Variants in ADGRB3 observed in about 807,000 individuals in gnomAD.
The protein encoded by ADGRB3 is brain-specific angiogenesis inhibitor 3.
A neutral mutation model predicts 193.4 loss-of-function variants in ADGRB3; 37 were observed. The observed-to-expected ratio is 0.19, with a 90% CI of 0.15 to 0.25. ADGRB3 has a LOEUF of 0.25. Ranked by LOEUF, ADGRB3 falls within the 10% of genes least tolerant of loss-of-function variation. The pLI, the probability that ADGRB3 is intolerant of heterozygous loss-of-function variation, is 1.00. For missense variants in ADGRB3, 1,637 were observed against 1,852.9 expected (o/e 0.88, Z 2.14); for synonymous variants, 690 against 644.2 (o/e 1.07, Z -1.08).
At chr6:69,333,047 G>C in intron 24 of ADGRB3, 39 bp downstream of exon 24, 1 of 1,593,004 alleles carries the variant, frequency 6.3e-7, no homozygotes, top group Non-Finnish European at 8.6e-7. Flanking sequence ...TTATTTATCA[G>C]TGAATCCCAT....
chr6:68,774,807 A>T (rs1230950468), intron 3 of ADGRB3, among the ~76,000 whole-genome samples: 1 of 152,144 alleles, frequency 6.6e-6, no homozygotes, highest in African/African-American at 2.4e-5. Flanking sequence ...AGTTTAAAAC[A>T]GTAAGATTCT....
At chr6:68,778,007 A>G (rs1040507830) in intron 3 of ADGRB3, among the ~76,000 whole-genome samples, 1 of 152,112 alleles carries the variant, frequency 6.6e-6, no homozygotes, top group Non-Finnish European at 1.5e-5. Flanking sequence ...TGTAGCATTA[A>G]GTTTCAGTAT....
At chr6:68,667,596 A>T (rs142739822) in intron 3 of ADGRB3, among the ~76,000 whole-genome samples, 1 of 152,016 alleles carries the variant, frequency 6.6e-6, no homozygotes, top group African/African-American at 2.4e-5. Context: ...ACAAAATTTC[A>T]TAACTAACTT....
intron 3 of ADGRB3, among the ~76,000 whole-genome samples, chr6:68,922,408 A>G (rs1051974291): frequency 6.6e-6 from 1 of 152,208 alleles, no homozygotes. Flanking sequence ...CCTTGATTTA[A>G]TGCTTAGATG....
chr6:68,722,605 CTTTTTT>C (rs200217245), intron 3 of ADGRB3, among the ~76,000 whole-genome samples: 2 of 143,274 alleles, frequency 1.4e-5, no homozygotes, highest in East Asian at 2.0e-4. Flanking sequence ...ATTTCTTTTT[CTTTTTT>C]TTTTTTAACT....
intron 3 of ADGRB3, among the ~76,000 whole-genome samples, chr6:68,750,824 G>T (rs1266094256): frequency 1.3e-5 from 2 of 152,208 alleles, no homozygotes; most frequent in Non-Finnish European, 2.9e-5. Flanking sequence ...ACAGACTTCA[G>T]TTATTAGCCT....
In ADGRB3 at chr6:69,059,768, C is replaced by G. The variant is rs1043794367; in HGVS notation, c.2334-3166C>G. Among the ~76,000 whole-genome samples, 4 of 151,998 alleles carry G rather than the reference C, an allele frequency of 2.6e-5. No individual in the cohort carries two copies. The East Asian group carries it at 5.8e-4, about 22-fold the overall frequency. ...CACTATACACTTTTTGAAAAGGAAGCCATTGCATAATGTAAATTTGCTTAT... is the reference window on the plus strand; with the variant it reads ...CACTATACACTTTTTGAAAAGGAAGGCATTGCATAATGTAAATTTGCTTAT... On this transcript the variant is annotated intron_variant, in intron 15 of 31. Transcript: ENST00000370598.
chr6:68,776,996 A>T (rs921133058), intron 3 of ADGRB3, among the ~76,000 whole-genome samples: 1 of 152,150 alleles, frequency 6.6e-6, no homozygotes, highest in African/African-American at 2.4e-5. Context: ...TTATACTATG[A>T]CCCATTTAGC....
chr6:69,361,906 C>T (rs927101749), intron 29 of ADGRB3, among the ~76,000 whole-genome samples: 15 of 151,312 alleles, frequency 9.9e-5, no homozygotes, highest in African/African-American at 2.2e-4. Context: ...ACAGTGTCTA[C>T]GTGGCATTAC....
rs543264360 is a variant in ADGRB3, at chr6:68,712,269, GTGAC to G, written c.757+72841_757+72844del. Among the ~76,000 whole-genome samples, 16 of 151,904 alleles carry G rather than the reference GTGAC, an allele frequency of 1.1e-4. No homozygotes were observed. The East Asian group carries it at 3.1e-3, about 30-fold the overall frequency. On this transcript the variant is annotated intron_variant, in intron 3 of 31. Transcript: ENST00000370598. The stretch of plus-strand genomic sequence containing the variant: ...ATAAATAAAGAGGCGGCAATTTTTG[GTGAC>G]TGAAAAAAAGGCAAAGGGCACAGCT...
intron 15 of ADGRB3, among the ~76,000 whole-genome samples, chr6:69,060,220 T>TCTCTCTCTCTCTCTCTCTCTCTCTCTC (rs1771697794): frequency 2.3e-5 from 3 of 129,542 alleles, no homozygotes; most frequent in Non-Finnish European, 4.8e-5. Context: ...CTCTCTCTCT[T>TCTCTCTCTCTCTCTCTCTCTCTCTCTC]TCTCTCTCTC....
intron 13 of ADGRB3, among the ~76,000 whole-genome samples, chr6:69,043,292 G>GAAAGAAAGAAAGAA (rs1554252060): frequency 7.0e-4 from 12 of 17,214 alleles, no homozygotes; most frequent in East Asian, 2.9e-3. Context: ...AAGAAAGAGA[G>GAAAGAAAGAAAGAA]AAAGAAAGAA....
intron 17 of ADGRB3, among the ~76,000 whole-genome samples, chr6:69,115,699 G>A (rs996341070): frequency 6.6e-6 from 1 of 152,200 alleles, no homozygotes; most frequent in African/African-American, 2.4e-5. Context: ...CCATGGAGAT[G>A]TGCCACTTAA....
chr6:69,290,098 A>G (rs772209205), intron 20 of ADGRB3, among the ~76,000 whole-genome samples: 5 of 152,106 alleles, frequency 3.3e-5, no homozygotes, highest in Non-Finnish European at 7.4e-5. Context: ...TGCTAAGCTC[A>G]GAGGATTAAT....
At chr6:68,954,674 G>A (rs963485283) in intron 6 of ADGRB3, among the ~76,000 whole-genome samples, 2 of 147,266 alleles carry the variant, frequency 1.4e-5, no homozygotes, top group African/African-American at 2.5e-5. Context: ...TATTTAAATC[G>A]TTCAATGGCT....
chr6:68,981,209 TCTCTCTAAAATGGGCAGA>T (rs1224599808), intron 10 of ADGRB3, among the ~76,000 whole-genome samples: 2 of 151,668 alleles, frequency 1.3e-5, no homozygotes, highest in East Asian at 3.9e-4. Context: ...AGAGTATTGC[TCTCTCTAAAATGGGCAGA>T]AGTCTCTTTA....
In ADGRB3 at chr6:68,861,368, C is replaced by T. The variant is rs554944781; in HGVS notation, c.758-69191C>T. Among the ~76,000 whole-genome samples, 14 of 152,062 alleles carry T rather than the reference C, an allele frequency of 9.2e-5. 1 individual carries two copies. The East Asian group carries it at 2.7e-3, about 30-fold the overall frequency. On this transcript the variant is annotated intron_variant, in intron 3 of 31. Coordinates refer to ENST00000370598, the MANE Select transcript of ADGRB3 (RefSeq NM_001704.3). The stretch of plus-strand genomic sequence containing the variant: ...GCAGGCAGATCACAAGGTCAGGAGA[C>T]TGAGACCACGGTGAAACCCCGTCTC...
chr6:69,182,408 GA>G (rs35063094), intron 17 of ADGRB3, among the ~76,000 whole-genome samples: 22,018 of 138,566 alleles, frequency 0.16, 1,653 homozygotes, highest in Middle Eastern at 0.18. Context: ...ACAACAACAA[GA>G]AAAAAAAAAA....
intron 17 of ADGRB3, among the ~76,000 whole-genome samples, chr6:69,134,949 A>G (rs916584160): frequency 6.6e-6 from 1 of 152,028 alleles, no homozygotes; most frequent in Non-Finnish European, 1.5e-5. Context: ...TTTTCTAAAT[A>G]TAAGTGTCAT....
Sources: allele counts gnomAD v4.1 joint callset (sites outside exome capture counted in the v4.1 genomes callset), GRCh38; gene constraint gnomAD v4.1.1; transcripts MANE v1.5; gene names NCBI Gene and HGNC (gene_info 2026-07-23, HGNC 2026-07-21).